The following CELF2 variants were observed in gnomAD, a reference collection of about 807,000 sequenced individuals.
CELF2 encodes CUG triplet repeat RNA-binding protein 2.
In CELF2, 8 loss-of-function variants were observed where a neutral mutation model predicts 62.6. The ratio of observed to expected loss-of-function variants is 0.13; its 90% CI spans 0.07 to 0.23. CELF2 has a LOEUF of 0.23. Among genes scored for constraint, CELF2 ranks in the 10% least tolerant of loss-of-function variants. The pLI is 1.00. For synonymous variants in CELF2, 258 were observed against 250.0 expected, an observed-to-expected ratio of 1.03 and a Z score of -0.30; for missense variants, 333 against 671.0, an observed-to-expected ratio of 0.50 and a Z score of 5.56.
chr10:11,040,254 C>A (rs2061598333), intron 1 of CELF2, among the ~76,000 whole-genome samples: 1 of 151,992 alleles, frequency 6.6e-6, no homozygotes, highest in Admixed American at 6.6e-5. Flanking sequence ...GGAGATAATT[C>A]AAAACAAGCA....
In CELF2 at chr10:11,197,006, A is replaced by AAGAG. The variant is rs1417319168; in HGVS notation, c.272-20416_272-20415insGAGA. On this transcript the variant is annotated intron_variant, in intron 2 of 12. Coordinates refer to ENST00000633077, the MANE Select transcript of CELF2 (RefSeq NM_001326342.2). ...GAAAGAAAGAAAGGAAGGAAGGAGA[A>AAGAG]AGAAAGAAAGAAAGAAAGAAAAGAA... 1.2e-3 allele frequency among the ~76,000 whole-genome samples: 16 copies of AAGAG among 13,854 alleles called. 1 individual carries two copies. The highest frequency in any genetic ancestry group is 7.0e-3 in the East Asian group (15 of 2,140). 9.1% of individuals were successfully genotyped at this position (13,854 alleles called of 152,430 possible).
the CELF2 span, among the ~76,000 whole-genome samples, chr10:10,669,357 T>A: frequency 5.9e-5 from 9 of 152,350 alleles, no homozygotes; most frequent in South Asian, 1.9e-3. Context: ...TGATGTTTTC[T>A]GAGATTAGAA....
At chr10:11,216,402 A>T (rs911043777) in intron 2 of CELF2, among the ~76,000 whole-genome samples, 1 of 152,192 alleles carries the variant, frequency 6.6e-6, no homozygotes, top group South Asian at 2.1e-4. Flanking sequence ...AATAAAATAC[A>T]TACAGTCTTG....
At chr10:10,513,996 C>T in the CELF2 span, among the ~76,000 whole-genome samples, 1 of 152,198 alleles carries the variant, frequency 6.6e-6, no homozygotes, top group Non-Finnish European at 1.5e-5. Context: ...TAGACCCTTC[C>T]TCTTGCCAGC....
At chr10:11,327,313 A>T (rs941754267) in intron 12 of CELF2, among the ~76,000 whole-genome samples, 25 of 152,164 alleles carry the variant, frequency 1.6e-4, no homozygotes. Flanking sequence ...CTAGATTTGG[A>T]AGGGAATTCT....
chr10:10,688,327 G>C, the CELF2 span, among the ~76,000 whole-genome samples: 67 of 152,208 alleles, frequency 4.4e-4, no homozygotes, highest in South Asian at 0.013. Context: ...TCCACATAGG[G>C]GACAGTGAAG....
intron 1 of CELF2, among the ~76,000 whole-genome samples, chr10:10,835,131 T>G (rs769690252): frequency 3.3e-5 from 5 of 152,170 alleles, no homozygotes; most frequent in Non-Finnish European, 7.4e-5. Flanking sequence ...CCAGTACCCC[T>G]TGTGGCCAGA....
chr10:10,930,035 A>G (rs1161086912), intron 2 of CELF2, among the ~76,000 whole-genome samples: 1 of 152,254 alleles, frequency 6.6e-6, no homozygotes, highest in Non-Finnish European at 1.5e-5. Context: ...TGTGGTGTTC[A>G]TTAATTCTCA....
rs77799641 is a variant in CELF2 at position 11,296,559 on chromosome 10, G to T, written c.976+8007G>T. 0.016 allele frequency among the ~76,000 whole-genome samples: 2,464 copies of T among 152,284 alleles called. 68 individuals are homozygous for T. Among genetic ancestry groups the T allele is most frequent in the African/African-American group, 0.056 (2,310 of 41,540 alleles). ...TTATTCTAGTCACAACTTCCCAGAA[G>T]CGTATACTGTAAGTTCCATTTCTTC... On this transcript the variant is annotated intron_variant, in intron 9 of 12. Transcript: ENST00000633077. This position sits in a 1 kb window ranked among gnomAD's most constrained non-coding sequence, Gnocchi z 5.0.
the CELF2 span, among the ~76,000 whole-genome samples, chr10:10,491,330 A>C: frequency 9.9e-5 from 15 of 152,242 alleles, no homozygotes; most frequent in Non-Finnish European, 2.2e-4. Context: ...ACTTGTTTGC[A>C]TAGCATATCC....
chr10:11,120,732 A>C (rs2057573702), intron 1 of CELF2, among the ~76,000 whole-genome samples: 1 of 151,960 alleles, frequency 6.6e-6, no homozygotes, highest in Non-Finnish European at 1.5e-5. Context: ...CCCACCCCTC[A>C]CCAGCCCTTG....
rs1046469306 is a variant in CELF2 at position 10,934,412 on chromosome 10, T to C, written c.89+14413T>C. 1 of 152,158 alleles carries C rather than the reference T, an allele frequency of 6.6e-6. No individual in the cohort carries two copies. The highest frequency in any genetic ancestry group is 2.1e-4 in the South Asian group (1 of 4,824). 9.4% of individuals were successfully genotyped at this position (152,158 alleles called of 1,614,324 possible). On this transcript the variant is annotated intron_variant, in intron 2 of 13. Transcript: ENST00000636488. This position sits in a 1 kb window ranked among gnomAD's most constrained non-coding sequence, Gnocchi z 4.4. ...CTCAAATATGCATCAAATGAACTCATGAGTAAATGGGAGCTAAGAATCTTT... is the reference window on the plus strand; with the variant it reads ...CTCAAATATGCATCAAATGAACTCACGAGTAAATGGGAGCTAAGAATCTTT...
chr10:11,229,082 G>A (rs1269139235), intron 3 of CELF2, among the ~76,000 whole-genome samples: 1 of 152,208 alleles, frequency 6.6e-6, no homozygotes, highest in Non-Finnish European at 1.5e-5. Flanking sequence ...GCCCAGGAAG[G>A]TGGGAGGACA....
rs560738901 is a variant in CELF2, at chr10:10,917,567, C to T, written c.54-2397C>T. On this transcript the variant is annotated intron_variant, in intron 1 of 13. Coordinates refer to the CELF2 transcript ENST00000636488. ...TGTTGCCCTGGCTGGCCTCAAACTC[C>T]TGGGCTCAAGCCGTCCTCCTGCCTC... Among the ~76,000 whole-genome samples the T allele has an allele frequency of 2.8e-3, 419 of 152,254 alleles. 1 individual carries two copies. The highest frequency in any genetic ancestry group is 9.8e-3 in the African/African-American group (409 of 41,548).
intron 5 of CELF2, among the ~76,000 whole-genome samples, chr10:11,259,540 C>T (rs571296724): frequency 6.6e-6 from 1 of 151,920 alleles, no homozygotes; most frequent in East Asian, 1.9e-4. Flanking sequence ...AAAAGCTGAA[C>T]AAGTCACTGT....
chr10:10,736,873 C>G, the CELF2 span, among the ~76,000 whole-genome samples: 2 of 152,046 alleles, frequency 1.3e-5, no homozygotes, highest in African/African-American at 4.8e-5. Flanking sequence ...CCCTGACATA[C>G]GATTTCCTAA....
rs2066086852 is a variant in CELF2 at position 10,931,777 on chromosome 10, A to G, written c.89+11778A>G. Among the ~76,000 whole-genome samples, 1 of 152,200 alleles carries G rather than the reference A, an allele frequency of 6.6e-6. No homozygotes were observed. Among genetic ancestry groups the G allele is most frequent in the South Asian group, 2.1e-4 (1 of 4,834 alleles). ...TGCATTAGTCTTTTCTCACGCTGCT[A>G]ATAAAGACATACCCACAACTGAGTA... On this transcript the variant is annotated intron_variant, in intron 2 of 13. Coordinates refer to the CELF2 transcript ENST00000636488. The surrounding 1 kb of genome is among the most constrained non-coding windows in gnomAD (Gnocchi z 6.1).
chr10:11,221,744 G>C (rs4316428), intron 3 of CELF2, among the ~76,000 whole-genome samples: 3,309 of 152,326 alleles, frequency 0.022, 131 homozygotes, highest in African/African-American at 0.076. Context: ...ATTTCTTCCA[G>C]ACATCTTCTC....
chr10:10,496,653 T>G, the CELF2 span, among the ~76,000 whole-genome samples: 4 of 152,254 alleles, frequency 2.6e-5, no homozygotes, highest in Middle Eastern at 3.4e-3. Context: ...TACACACTTA[T>G]CCCTATAACA....
Sources: allele counts gnomAD v4.1 joint callset (sites outside exome capture counted in the v4.1 genomes callset), GRCh38; gene constraint gnomAD v4.1.1; non-coding constraint Gnocchi (gnomAD v3.1); transcripts MANE v1.5; gene names NCBI Gene and HGNC (gene_info 2026-07-23, HGNC 2026-07-21).